Variants in PATJ observed in about 807,000 individuals in gnomAD.
The protein encoded by PATJ is inaD-like protein.
In PATJ, 190 loss-of-function variants were observed where a neutral mutation model predicts 224.9. The ratio of observed to expected loss-of-function variants is 0.84; its 90% CI spans 0.75 to 0.95. PATJ has a LOEUF of 0.95. Ranked by LOEUF, PATJ falls within the 40% of genes least tolerant of loss-of-function variation. The probability of loss-of-function intolerance (pLI) is 0.00; values close to 1 mark genes in which losing one functional copy is unlikely to be tolerated. For missense variants in PATJ, 2,121 were observed against 2,270.3 expected (o/e 0.93, Z 1.34); for synonymous variants, 769 against 820.3 (o/e 0.94, Z 1.07).
In PATJ at chr1:62,099,347, C is replaced by CTTT. The variant is rs71050197; in HGVS notation, c.4378-9062_4378-9060dup. Among the ~76,000 whole-genome samples the CTTT allele has an allele frequency of 2.9e-3, 162 of 55,676 alleles. 9 individuals carry two copies. The highest frequency in any genetic ancestry group is 0.012 in the African/African-American group (148 of 12,838). 36.5% of individuals were successfully genotyped at this position (55,676 alleles called of 152,430 possible). On this transcript the variant is annotated intron_variant, in intron 33 of 43. Transcript: ENST00000642238. ...ATTTTTTTGTATACAATATCTCCAACTTTTTTTTTTTTTTTTTTTTTTTTT... is the reference window on the plus strand; with the variant it reads ...ATTTTTTTGTATACAATATCTCCAACTTTTTTTTTTTTTTTTTTTTTTTTTTTT...
At chr1:61,864,717 TG>T in intron 20 of PATJ, 84 bp downstream of exon 20, 2 of 1,292,936 alleles carry the variant, frequency 1.5e-6, no homozygotes, top group Non-Finnish European at 2.1e-6. Flanking sequence ...ACTTCAATGT[TG>T]TTTGTTTTTA....
At chr1:61,800,532 C>CT (rs1223666428) in intron 11 of PATJ, among the ~76,000 whole-genome samples, 1 of 152,116 alleles carries the variant, frequency 6.6e-6, no homozygotes, top group African/African-American at 2.4e-5. Flanking sequence ...TGTAGGTTGT[C>CT]TGTTTACTGT....
intron 1 of PATJ, among the ~76,000 whole-genome samples, chr1:61,761,381 T>A (rs1645963790): frequency 6.6e-6 from 1 of 152,072 alleles, no homozygotes; most frequent in Admixed American, 6.6e-5. Flanking sequence ...CTTCCCAGTG[T>A]AGGGGAGGGA....
intron 39 of PATJ, among the ~76,000 whole-genome samples, chr1:62,124,255 G>T (rs1392193905): frequency 6.6e-6 from 1 of 151,986 alleles, no homozygotes; most frequent in Non-Finnish European, 1.5e-5. Context: ...GCTAATTTTT[G>T]TATTTTTTGT....
intron 22 of PATJ, among the ~76,000 whole-genome samples, chr1:61,890,001 G>A (rs996267038): frequency 3.3e-5 from 5 of 152,164 alleles, no homozygotes; most frequent in Non-Finnish European, 7.3e-5. Context: ...GCTGTTTAAA[G>A]ACCTATGGGT....
At chr1:61,909,146 A>G (rs1672256437) in intron 25 of PATJ, among the ~76,000 whole-genome samples, 1 of 151,912 alleles carries the variant, frequency 6.6e-6, no homozygotes, top group African/African-American at 2.4e-5. Context: ...TGCTCCACTA[A>G]TTTTTGTATT....
intron 27 of PATJ, among the ~76,000 whole-genome samples, chr1:61,934,167 A>G (rs974194786): frequency 6.8e-6 from 1 of 146,224 alleles, no homozygotes; most frequent in East Asian, 2.0e-4. Context: ...TGCCCAGGCT[A>G]GAGTGCAGTG....
Position 61,769,270 on chromosome 1 carries a change from G to C in PATJ, c.385-13G>C, listed in dbSNP as rs758920120. On this transcript the variant is annotated splice_polypyrimidine_tract_variant and intron_variant, in intron 4 of 43. Transcript: ENST00000642238. ...TACACCATTGACTTTTTTTTTTAAC[G>C]CTCCTTCATTAGGGCCGGCAAATTG... The C allele has an allele frequency of 1.9e-6, 3 of 1,582,422 alleles. No homozygotes were observed. Among genetic ancestry groups the C allele is most frequent in the African/African-American group, 1.4e-5 (1 of 72,460 alleles).
chr1:61,805,007 T>C (rs908243700), intron 12 of PATJ, among the ~76,000 whole-genome samples: 1 of 152,130 alleles, frequency 6.6e-6, no homozygotes, highest in African/African-American at 2.4e-5. Context: ...TCTTGGTAAG[T>C]TTTTACTTTT....
At chr1:61,791,254 C>A in intron 8 of PATJ, 94 bp from the exon 9 acceptor site, 1 of 669,434 alleles carries the variant, frequency 1.5e-6, no homozygotes, top group Admixed American at 2.7e-5. Context: ...GCCATAGATG[C>A]TAAGAAAATA....
intron 24 of PATJ, among the ~76,000 whole-genome samples, chr1:61,906,179 AG>A (rs1003034032): frequency 8.4e-4 from 128 of 152,312 alleles, no homozygotes; most frequent in African/African-American, 2.9e-3. Flanking sequence ...AGAGATGCAT[AG>A]GGCAAAGTAT....
At chr1:62,121,011 A>G (rs1664980925) in intron 37 of PATJ, 170 bp from the exon 38 acceptor site, 2 of 511,260 alleles carry the variant, frequency 3.9e-6, no homozygotes, top group Non-Finnish European at 6.9e-6. Context: ...GATTGGGTTG[A>G]GGTAGTAAGA....
intron 27 of PATJ, among the ~76,000 whole-genome samples, chr1:61,953,197 C>A (rs1437348366): frequency 1.3e-5 from 2 of 152,124 alleles, no homozygotes; most frequent in Admixed American, 6.6e-5. Context: ...ATCAGAGCTT[C>A]TTTTTATCTA....
chr1:61,864,634 G>A lies in PATJ; in HGVS notation c.2835+1G>A, dbSNP rs779335424. On this transcript the variant is annotated splice_donor_variant, in intron 20 of 43. Transcript: ENST00000642238. LOFTEE classifies it high-confidence loss of function. ...GTATGGCTATTGCCCTGAAAATGTG[G>A]TAAGAGATTAGAATAGATATTCCAC... The A allele has an allele frequency of 1.3e-6, 2 of 1,585,524 alleles. No individual in the cohort carries two copies. Among genetic ancestry groups the A allele is most frequent in the African/African-American group, 1.3e-5 (1 of 74,612 alleles).
At chr1:62,058,888 A>G (rs370523937) in intron 31 of PATJ, among the ~76,000 whole-genome samples, 1 of 152,154 alleles carries the variant, frequency 6.6e-6, no homozygotes, top group Non-Finnish European at 1.5e-5. Flanking sequence ...CAGCCCACAA[A>G]TGTGTTTCAT....
At position 62,153,463 on chromosome 1, in the gene PATJ, C is replaced by G. The variant is rs1258654837; in HGVS notation, c.5484C>G (p.Val1828=). ...CCCATGGAGACCTGCCAATTTATGT[C>G]AAGACTGTATTTGCAAAGGTATATC... The part of the protein sequence containing the change: ...GSPHGDLPIY[V]KTVFAKGAAA... The change falls in exon 43 of 44, where the codon GTC becomes GTG. Residue 1828 remains valine, a synonymous_variant. Transcript: ENST00000642238. 8 of 1,231,282 alleles carry G rather than the reference C, an allele frequency of 6.5e-6. No individual in the cohort carries two copies. The highest frequency in any genetic ancestry group is 8.1e-6 in the Non-Finnish European group (8 of 987,350). 76.3% of individuals were successfully genotyped at this position (1,231,282 alleles called of 1,614,324 possible). A position where few individuals can be genotyped will look rare whatever the true frequency, so the allele number is the denominator to read the frequency against.
chr1:62,050,852 A>C, intron 30 of PATJ, 114 bp from the exon 31 acceptor site: 1 of 761,888 alleles, frequency 1.3e-6, no homozygotes, highest in Non-Finnish European at 2.2e-6. Context: ...TCCTCAGAGG[A>C]AACAATATCC....
At position 61,901,386 on chromosome 1, in the gene PATJ, T is replaced by G. The variant is rs1671131792; in HGVS notation, c.3308T>G (p.Phe1103Cys). 1 of 1,587,166 alleles carries G rather than the reference T, an allele frequency of 6.3e-7. No individual in the cohort carries two copies. The highest frequency in any genetic ancestry group is 1.4e-5 in the African/African-American group (1 of 73,048). ...LKNGEELKGI[F>C]IKQVLEDSPA... ...AATGGAGAGGAGCTTAAAGGTATAT[T>G]CATCAAACAAGTTTTAGAAGACAGT... Residue 1103 changes from phenylalanine (F) to cysteine (C), a missense_variant, in exon 24 of 44, where the codon TTC (phenylalanine) becomes TGC (cysteine). Phe to Cys is a radical substitution (Grantham distance 205). Transcript: ENST00000642238.
intron 7 of PATJ, among the ~76,000 whole-genome samples, chr1:61,780,430 A>G (rs1452287541): frequency 6.6e-6 from 1 of 152,210 alleles, no homozygotes; most frequent in Admixed American, 6.5e-5. Flanking sequence ...ACGCCACAGC[A>G]CTGCAGCCTG....
Sources: gnomAD v4.1 joint callset for allele counts (sites outside exome capture counted in the v4.1 genomes callset) on GRCh38, gnomAD v4.1.1 for gene constraint, MANE v1.5 for transcripts, NCBI Gene and HGNC (gene_info 2026-07-23, HGNC 2026-07-21) for gene names.